TANC1: variants seen among roughly 807,000 people sequenced by gnomAD.
The protein encoded by TANC1 is tetratricopeptide repeat, ankyrin repeat and coiled-coil containing 1.
A neutral mutation model predicts 149.7 loss-of-function variants in TANC1; 77 were observed. That is an observed-to-expected ratio of 0.51 (90% CI 0.43 to 0.62). The LOEUF (loss-of-function observed/expected upper bound fraction) is 0.62, where lower values mean the gene tolerates loss of function less well. Ranked by LOEUF, TANC1 falls within the 20% of genes least tolerant of loss-of-function variation. The pLI is 0.00. For synonymous variants in TANC1, 854 were observed against 925.0 expected (o/e 0.92, Z 1.39); for missense variants, 1,985 against 2,321.8 (o/e 0.85, Z 2.98).
At chr2:158,983,962 A>T (rs2034721511) in intron 1 of TANC1, among the ~76,000 whole-genome samples, 1 of 152,226 alleles carries the variant, frequency 6.6e-6, no homozygotes, top group Admixed American at 6.5e-5. Flanking sequence ...TGGGTAAACC[A>T]AAAAGTGTTG....
chr2:159,075,403 T>TA (rs767567219), intron 3 of TANC1, among the ~76,000 whole-genome samples: 10,432 of 117,422 alleles, frequency 0.089, 491 homozygotes, highest in Admixed American at 0.17. Context: ...CCTTGTCTAT[T>TA]AAAAAAAAAA....
At chr2:159,167,931 A>T (rs1472930237) in intron 8 of TANC1, among the ~76,000 whole-genome samples, 1 of 152,114 alleles carries the variant, frequency 6.6e-6, no homozygotes. Flanking sequence ...TTTTCAGAAG[A>T]CAGATGGCCC....
At chr2:159,215,720 G>A (rs1347115600) in intron 19 of TANC1, among the ~76,000 whole-genome samples, 2 of 152,190 alleles carry the variant, frequency 1.3e-5, no homozygotes, top group African/African-American at 2.4e-5. Flanking sequence ...GATGGCTGTC[G>A]TGGCACTCTG....
chr2:159,179,172 G>A lies in TANC1; in HGVS notation c.2510+9G>A, dbSNP rs1459881276. On this transcript the variant is annotated intron_variant, in intron 14 of 26. Transcript: ENST00000263635. ...TTCCTGTGTGAGCCCAGGTACGGCA[G>A]GCGCTTTCTTTCAGCTCTTTGCAGG... 1.2e-6 allele frequency: 2 copies of A among 1,600,138 alleles called. No homozygotes were observed. Among genetic ancestry groups the A allele is most frequent in the Admixed American group, 1.7e-5 (1 of 59,000 alleles).
At chr2:159,183,265 C>T (rs965771259) in intron 14 of TANC1, among the ~76,000 whole-genome samples, 3 of 152,202 alleles carry the variant, frequency 2.0e-5, no homozygotes, top group Non-Finnish European at 2.9e-5. Flanking sequence ...GCAGGCTTTG[C>T]AGGGACAGAG....
In TANC1 at chr2:159,229,660, C is replaced by T. The variant is rs755332030; in HGVS notation, c.4234C>T (p.Arg1412Cys). 18 of 1,613,986 alleles carry T rather than the reference C, an allele frequency of 1.1e-5. No homozygotes were observed. The highest frequency in any genetic ancestry group is 1.0e-4 in the Admixed American group (6 of 60,006). The change falls in exon 27 of 27, where the codon CGC becomes TGC. Residue 1412 changes from arginine (R) to cysteine (C), a missense_variant. Around this residue, in one of 3 missense-constraint regions of TANC1, gnomAD observed 920 missense variants for 994.7 expected, o/e 0.92. Coordinates refer to ENST00000263635, the MANE Select transcript of TANC1 (RefSeq NM_033394.3). Reference sequence around the variant, plus strand: ...TCAGGAAGTCAAGAGGCTTCTGGCCCGCGTAGAAGAGGAGTGCAAACAACT... The same window carrying T: ...TCAGGAAGTCAAGAGGCTTCTGGCCTGCGTAGAAGAGGAGTGCAAACAACT... ...TNQEVKRLLA[R>C]VEEECKQLQR...
chr2:159,114,089 G>A (rs2048006414), intron 4 of TANC1, among the ~76,000 whole-genome samples: 1 of 152,166 alleles, frequency 6.6e-6, no homozygotes, highest in Non-Finnish European at 1.5e-5. Flanking sequence ...TAGTCCTATT[G>A]TAGCTTTTAT....
In TANC1 at chr2:159,115,560, A is replaced by G. The variant is rs185873294; in HGVS notation, c.259+17726A>G. Among the ~76,000 whole-genome samples the G allele has an allele frequency of 5.2e-3, 785 of 152,322 alleles. 6 individuals carry two copies. The highest frequency in any genetic ancestry group is 8.9e-3 in the Non-Finnish European group (603 of 68,026). ...TAGTCCTTTTAATCTCATGGCACAT[A>G]TAGGAGATTTTTGTACAGCAAATGG... On this transcript the variant is annotated intron_variant, in intron 4 of 26. Transcript: ENST00000263635.
intron 19 of TANC1, among the ~76,000 whole-genome samples, chr2:159,203,059 ACAGAGGCCCTTCTGCTC>A (rs1381997511): frequency 6.6e-6 from 1 of 152,138 alleles, no homozygotes; most frequent in Admixed American, 6.5e-5. Flanking sequence ...ATAGAAGAGA[ACAGAGGCCCTTCTGCTC>A]CAGCACTTGC....
At chr2:159,075,428 T>C (rs1196614938) in intron 3 of TANC1, among the ~76,000 whole-genome samples, 1 of 139,842 alleles carries the variant, frequency 7.2e-6, no homozygotes, top group African/African-American at 2.6e-5. Flanking sequence ...AAAAAAAAAC[T>C]GGCCAGGTGT....
At position 159,231,793 on chromosome 2, in the gene TANC1, A is replaced by G. The variant is rs2060342140; in HGVS notation, c.*781A>G. 1 of 152,218 alleles carries G rather than the reference A, an allele frequency of 6.6e-6. No homozygotes were observed. Among genetic ancestry groups the G allele is most frequent in the Non-Finnish European group, 1.5e-5 (1 of 68,038 alleles). 9.4% of individuals were successfully genotyped at this position (152,218 alleles called of 1,614,324 possible). A position where few individuals can be genotyped will look rare whatever the true frequency, so the allele number is the denominator to read the frequency against. ...GCATTCTTAGTGGCGCTTATAAATT[A>G]GCTCTCACCTGGTTTCCAAACTGCT... On this transcript the variant is annotated 3_prime_UTR_variant, in exon 27 of 27. Transcript: ENST00000263635.
intron 11 of TANC1, among the ~76,000 whole-genome samples, 167 bp downstream of exon 11, chr2:159,172,439 CAGTA>C (rs1314547627): frequency 2.0e-5 from 3 of 152,194 alleles, no homozygotes; most frequent in African/African-American, 7.2e-5. Context: ...GTGTGAATGA[CAGTA>C]AGTATCTGTT....
intron 19 of TANC1, among the ~76,000 whole-genome samples, chr2:159,207,538 A>G (rs1189063216): frequency 1.3e-5 from 2 of 151,814 alleles, no homozygotes; most frequent in Non-Finnish European, 2.9e-5. Flanking sequence ...CGTCTCTACT[A>G]AAAATACAAA....
chr2:159,085,683 G>T (rs1398621780), intron 3 of TANC1, among the ~76,000 whole-genome samples: 1 of 152,106 alleles, frequency 6.6e-6, no homozygotes, highest in Non-Finnish European at 1.5e-5. Flanking sequence ...AAGGGAGGAG[G>T]TGCCAGGCTC....
chr2:158,997,323 C>G (rs2036223463), intron 1 of TANC1, among the ~76,000 whole-genome samples: 1 of 152,146 alleles, frequency 6.6e-6, no homozygotes, highest in South Asian at 2.1e-4. Context: ...GGAAGGAAAG[C>G]TAGAACGAAC....
chr2:159,089,616 A>T (rs779573475), intron 3 of TANC1, among the ~76,000 whole-genome samples: 3 of 152,132 alleles, frequency 2.0e-5, no homozygotes, highest in Non-Finnish European at 4.4e-5. Flanking sequence ...TGGATTATCC[A>T]TGTCCCATGT....
intron 2 of TANC1, among the ~76,000 whole-genome samples, chr2:159,049,424 T>C (rs2041309979): frequency 6.6e-6 from 1 of 151,530 alleles, no homozygotes; most frequent in Non-Finnish European, 1.5e-5. Flanking sequence ...GGGAGGAGAG[T>C]GTATAATAAC....
chr2:159,215,664 G>T (rs138010308), intron 19 of TANC1, among the ~76,000 whole-genome samples: 18 of 152,322 alleles, frequency 1.2e-4, no homozygotes, highest in African/African-American at 4.3e-4. Context: ...AGACAAACCA[G>T]GTCCCGCCCT....
chr2:159,005,061 A>G (rs6432510), intron 2 of TANC1, among the ~76,000 whole-genome samples: 9,655 of 152,190 alleles, frequency 0.063, 467 homozygotes, highest in East Asian at 0.16. Context: ...GGCGCAGATC[A>G]CTCATGCTAT....
Sources: gnomAD v4.1 joint callset for allele counts (sites outside exome capture counted in the v4.1 genomes callset) on GRCh38, gnomAD v4.1.1 for gene constraint, gnomAD v4.1.1 regional missense constraint, MANE v1.5 for transcripts, NCBI Gene and HGNC (gene_info 2026-07-23, HGNC 2026-07-21) for gene names.